The following CELF2 variants were observed in gnomAD, a reference collection of about 807,000 sequenced individuals.
CELF2 encodes CUGBP Elav-like family member 2.
A neutral mutation model predicts 62.6 loss-of-function variants in CELF2; 8 were observed. The ratio of observed to expected loss-of-function variants is 0.13; its 90% CI spans 0.07 to 0.23. The LOEUF (loss-of-function observed/expected upper bound fraction) is 0.23, where lower values mean the gene tolerates loss of function less well. Among genes scored for constraint, CELF2 ranks in the 10% least tolerant of loss-of-function variants. CELF2 has a pLI of 1.00. For synonymous variants in CELF2, 258 were observed against 250.0 expected (o/e 1.03, Z -0.30); for missense variants, 333 against 671.0 (o/e 0.50, Z 5.56).
At chr10:11,245,642 C>G (rs1213525518) in intron 3 of CELF2, among the ~76,000 whole-genome samples, 1 of 152,180 alleles carries the variant, frequency 6.6e-6, no homozygotes, top group African/African-American at 2.4e-5. Context: ...AAGAGTCTTA[C>G]GGCAGCACAA....
chr10:11,139,186 A>C (rs547337247), intron 1 of CELF2, among the ~76,000 whole-genome samples: 7 of 152,238 alleles, frequency 4.6e-5, no homozygotes, highest in Non-Finnish European at 7.3e-5. Flanking sequence ...AAACTGAAAT[A>C]AATAAATGTG....
At chr10:10,800,908 A>C (rs2054595067) in intron 1 of CELF2, among the ~76,000 whole-genome samples, 1 of 152,132 alleles carries the variant, frequency 6.6e-6, no homozygotes, top group Admixed American at 6.5e-5. Context: ...CACTTCCTAC[A>C]AGTGCTTTCA....
intron 1 of CELF2, among the ~76,000 whole-genome samples, chr10:10,885,427 G>A (rs536481840): frequency 1.7e-4 from 26 of 151,458 alleles, no homozygotes; most frequent in South Asian, 6.3e-4. Context: ...TAGAATCTAG[G>A]CTCCAGATTA....
At chr10:11,146,199 A>G (rs1440976515) in intron 1 of CELF2, among the ~76,000 whole-genome samples, 1 of 152,250 alleles carries the variant, frequency 6.6e-6, no homozygotes, top group Non-Finnish European at 1.5e-5. Flanking sequence ...AATATTTTGT[A>G]GTATTTTACA....
intron 9 of CELF2, among the ~76,000 whole-genome samples, chr10:11,293,808 A>T (rs1392930318): frequency 1.3e-5 from 2 of 149,190 alleles, no homozygotes; most frequent in Non-Finnish European, 1.5e-5. Context: ...TTTTTTTTTA[A>T]ATTCAGTGGA....
chr10:10,802,492 TAA>T (rs1456527872), intron 1 of CELF2, among the ~76,000 whole-genome samples: 1 of 151,844 alleles, frequency 6.6e-6, no homozygotes, highest in East Asian at 1.9e-4. Context: ...AAAAAAAGAA[TAA>T]AATAAACTTG....
At chr10:11,326,159 G>A (rs2095712002) in intron 12 of CELF2, among the ~76,000 whole-genome samples, 180 bp downstream of exon 12, 1 of 152,226 alleles carries the variant, frequency 6.6e-6, no homozygotes, top group African/African-American at 2.4e-5. Context: ...GGAAATTAAA[G>A]TCAACGCCCA....
At chr10:11,226,600 C>CCACACAAACACACACA (rs1298908039) in intron 3 of CELF2, among the ~76,000 whole-genome samples, 548 of 25,942 alleles carry the variant, frequency 0.021, 4 homozygotes, top group African/African-American at 0.032. Context: ...CAGGCAGTGG[C>CCACACAAACACACACA]CACACACACA....
At chr10:10,721,556 C>T in the CELF2 span, among the ~76,000 whole-genome samples, 1 of 152,244 alleles carries the variant, frequency 6.6e-6, no homozygotes, top group East Asian at 1.9e-4. Flanking sequence ...CCTTTCTTAT[C>T]TTCCTTCTTA....
chr10:11,015,415 T>TG (rs1314441688), upstream of CELF2, among the ~76,000 whole-genome samples: 3 of 152,164 alleles, frequency 2.0e-5, no homozygotes, highest in Non-Finnish European at 4.4e-5. The surrounding 1 kb of genome is among the most constrained non-coding windows in gnomAD (Gnocchi z 4.8). Context: ...TAACCTATGG[T>TG]GGGGGGTGAT....
the CELF2 span, among the ~76,000 whole-genome samples, chr10:10,651,381 G>A: frequency 2.7e-5 from 4 of 147,642 alleles, no homozygotes; most frequent in African/African-American, 5.0e-5. Context: ...AGCTCAAGGA[G>A]GCCTGCCTGC....
chr10:11,266,201 C>T (rs1001263798), intron 5 of CELF2, among the ~76,000 whole-genome samples: 8 of 152,136 alleles, frequency 5.3e-5, no homozygotes, highest in Middle Eastern at 3.4e-3. Context: ...ATTTGAAATA[C>T]AAAGCCCTGA....
At chr10:11,041,276 A>G (rs1291867) in intron 1 of CELF2, among the ~76,000 whole-genome samples, 18,433 of 152,168 alleles carry the variant, frequency 0.12, 1,401 homozygotes, top group African/African-American at 0.21. Context: ...TAACATACGC[A>G]TTTTAGGGGG....
chr10:11,275,194 C>A, intron 8 of CELF2, 74 bp downstream of exon 8: 1 of 1,414,226 alleles, frequency 7.1e-7, no homozygotes, highest in Non-Finnish European at 1.0e-6. Flanking sequence ...AGGGCAAAGA[C>A]AAGAAGCAGG....
intron 1 of CELF2, among the ~76,000 whole-genome samples, chr10:11,102,643 CT>C (rs2052036647): frequency 6.6e-6 from 1 of 152,198 alleles, no homozygotes; most frequent in African/African-American, 2.4e-5. Context: ...GAACTCTTGA[CT>C]TTTACATCCT....
intron 1 of CELF2, among the ~76,000 whole-genome samples, chr10:11,091,752 C>T (rs775394445): frequency 4.6e-5 from 7 of 152,114 alleles, no homozygotes; most frequent in Non-Finnish European, 7.4e-5. Context: ...GAAAGGCAAG[C>T]AATAAAATTA....
the CELF2 span, among the ~76,000 whole-genome samples, chr10:10,712,862 T>C: frequency 6.6e-6 from 1 of 152,222 alleles, no homozygotes; most frequent in Non-Finnish European, 1.5e-5. Context: ...TGGTATCTCC[T>C]TCCTGGATGA....
the CELF2 span, among the ~76,000 whole-genome samples, chr10:10,539,401 A>G: frequency 1.2e-4 from 18 of 152,164 alleles, no homozygotes; most frequent in Non-Finnish European, 1.9e-4. Flanking sequence ...AATTAAACTT[A>G]GGGAGAATCT....
At chr10:10,466,662 C>G in the CELF2 span, among the ~76,000 whole-genome samples, 1 of 152,086 alleles carries the variant, frequency 6.6e-6, no homozygotes, top group African/African-American at 2.4e-5. Context: ...TTGATACTTT[C>G]TCCCGCAATG....
Sources: gnomAD v4.1 joint callset for allele counts (sites outside exome capture counted in the v4.1 genomes callset) on GRCh38, gnomAD v4.1.1 for gene constraint, Gnocchi (gnomAD v3.1) non-coding constraint, MANE v1.5 for transcripts, NCBI Gene and HGNC (gene_info 2026-07-23, HGNC 2026-07-21) for gene names.